The following NBEA variants were observed in gnomAD, a reference collection of about 807,000 sequenced individuals.
The protein encoded by NBEA is neurobeachin.
Under a neutral mutation model 343.4 loss-of-function variants are expected in NBEA, and 44 were observed. The ratio of observed to expected loss-of-function variants is 0.13; its 90% CI spans 0.10 to 0.16. The LOEUF is 0.16. Ranked by LOEUF, NBEA falls within the 10% of genes least tolerant of loss-of-function variation. NBEA has a pLI of 1.00. For missense variants in NBEA, 2,555 were observed against 3,631.3 expected (o/e 0.70, Z 7.62); for synonymous variants, 1,175 against 1,238.7 (o/e 0.95, Z 1.08).
intron 10 of NBEA, among the ~76,000 whole-genome samples, chr13:35,088,689 TGGTACC>T (rs1009082627): frequency 9.2e-5 from 14 of 152,062 alleles, no homozygotes; most frequent in African/African-American, 3.4e-4. Flanking sequence ...CAAAACAGCA[TGGTACC>T]GGTACCAAAA....
At chr13:35,305,935 A>C (rs2036864568) in intron 35 of NBEA, among the ~76,000 whole-genome samples, 1 of 152,156 alleles carries the variant, frequency 6.6e-6, no homozygotes, top group Non-Finnish European at 1.5e-5. Context: ...TGAGTATTCT[A>C]TTCTTCATAA....
intron 47 of NBEA, among the ~76,000 whole-genome samples, chr13:35,603,425 T>C (rs2082144749): frequency 6.6e-6 from 1 of 152,210 alleles, no homozygotes; most frequent in African/African-American, 2.4e-5. Flanking sequence ...ACATCCTATG[T>C]TTCTTGCGCC....
At position 35,437,944 on chromosome 13, in the gene NBEA, G is replaced by A. The variant is rs576974490; in HGVS notation, c.6304+5551G>A. Among the ~76,000 whole-genome samples the A allele has an allele frequency of 1.0e-3, 158 of 152,210 alleles. 1 individual carries two copies. The highest frequency in any genetic ancestry group is 1.9e-3 in the Non-Finnish European group (132 of 67,990). On this transcript the variant is annotated intron_variant, in intron 39 of 58. Transcript: ENST00000379939. ...CAAAATCTTAAGTTTGATTGTCTTT[G>A]TTGACTGTCAATTATTATTTAGGCC...
chr13:35,265,217 G>A (rs2033571563), intron 34 of NBEA, among the ~76,000 whole-genome samples: 1 of 151,740 alleles, frequency 6.6e-6, no homozygotes, highest in African/African-American at 2.4e-5. Context: ...AAACATAGAT[G>A]AAAGAAATGG....
intron 40 of NBEA, among the ~76,000 whole-genome samples, chr13:35,469,037 T>TG (rs1465066951): frequency 7.4e-6 from 1 of 135,622 alleles, no homozygotes; most frequent in African/African-American, 2.8e-5. Flanking sequence ...GGGCAGAAGT[T>TG]GCAGTGAGCC....
intron 35 of NBEA, among the ~76,000 whole-genome samples, chr13:35,308,478 ATATATATGTG>A (rs1177011460): frequency 4.7e-5 from 6 of 127,910 alleles, no homozygotes; most frequent in African/African-American, 1.9e-4. Context: ...ATATATGTAT[ATATATATGTG>A]TATATATATG....
At chr13:35,470,959 C>A (rs2075616583) in intron 40 of NBEA, among the ~76,000 whole-genome samples, 1 of 152,184 alleles carries the variant, frequency 6.6e-6, no homozygotes, top group Non-Finnish European at 1.5e-5. Flanking sequence ...CTTGTGCAAC[C>A]GAGGTGGACC....
At chr13:35,436,707 CA>C (rs71081254) in intron 39 of NBEA, among the ~76,000 whole-genome samples, 1,881 of 80,386 alleles carry the variant, frequency 0.023, 26 homozygotes, top group African/African-American at 0.051. Flanking sequence ...GACTCCGTCT[CA>C]AAAAAAAAAA....
chr13:35,102,235 A>G (rs1186284943), intron 11 of NBEA, among the ~76,000 whole-genome samples: 1 of 151,770 alleles, frequency 6.6e-6, no homozygotes, highest in African/African-American at 2.4e-5. Context: ...TTGCAGTCTA[A>G]TCTTTGCCAT....
intron 31 of NBEA, among the ~76,000 whole-genome samples, chr13:35,197,527 T>G (rs922363242): frequency 6.6e-6 from 1 of 152,064 alleles, no homozygotes; most frequent in Admixed American, 6.6e-5. Flanking sequence ...CCCTTTTTTT[T>G]TTGTTTTTGA....
intron 41 of NBEA, among the ~76,000 whole-genome samples, chr13:35,528,384 A>G (rs146978099): frequency 7.7e-4 from 117 of 152,342 alleles, no homozygotes; most frequent in Non-Finnish European, 1.5e-3. Flanking sequence ...GAAAATATTG[A>G]TTTTTAATTA....
intron 34 of NBEA, among the ~76,000 whole-genome samples, chr13:35,288,039 T>C (rs114386418): frequency 1.3e-3 from 200 of 152,152 alleles, no homozygotes; most frequent in African/African-American, 4.7e-3. Context: ...GTAAACTCCT[T>C]AGTACTAACA....
At chr13:35,389,313 T>A (rs1402819817) in intron 38 of NBEA, among the ~76,000 whole-genome samples, 3 of 152,134 alleles carry the variant, frequency 2.0e-5, no homozygotes, top group East Asian at 3.9e-4. Flanking sequence ...AAAATAATAC[T>A]TCCTTAAACC....
At chr13:35,267,282 A>T (rs1449228512) in intron 34 of NBEA, among the ~76,000 whole-genome samples, 1 of 151,960 alleles carries the variant, frequency 6.6e-6, no homozygotes, top group Non-Finnish European at 1.5e-5. Context: ...TACCACAAAA[A>T]TAACTGTGCG....
chr13:35,055,990 A>G lies in NBEA; in HGVS notation c.973-20A>G. On this transcript the variant is annotated intron_variant, in intron 6 of 58. Coordinates refer to ENST00000379939, the MANE Select transcript of NBEA (RefSeq NM_001385012.1). ...ACAACCAAACATTACATATTGATAT[A>G]TTTAATTTTTTTATTTAAGTGGTAC... 1 of 1,558,200 alleles carries G rather than the reference A, an allele frequency of 6.4e-7. No homozygotes were observed.
At chr13:35,412,665 A>ATATCATAGT (rs1342401896) in intron 38 of NBEA, among the ~76,000 whole-genome samples, 1 of 152,132 alleles carries the variant, frequency 6.6e-6, no homozygotes, top group Non-Finnish European at 1.5e-5. Context: ...TACTCTATGT[A>ATATCATAGT]TATCATAGTT....
In NBEA at chr13:35,204,798, A is replaced by G. The variant is rs373342388; in HGVS notation, c.5367-3902A>G. On this transcript the variant is annotated intron_variant, in intron 31 of 58. Transcript: ENST00000379939. ...ATTAAAAACTATATGTTCACTCTAA[A>G]AAAATGTTTTTACCACCAAAATTTG... 4.5e-4 allele frequency among the ~76,000 whole-genome samples: 69 copies of G among 152,246 alleles called. 1 individual carries two copies. In the South Asian group the frequency reaches 0.014, roughly 31 times the overall value.
At chr13:35,546,912 G>T (rs1166934701) in intron 41 of NBEA, among the ~76,000 whole-genome samples, 1 of 152,078 alleles carries the variant, frequency 6.6e-6, no homozygotes, top group East Asian at 1.9e-4. Context: ...TAAAGAAATT[G>T]TAGGATCATC....
intron 28 of NBEA, among the ~76,000 whole-genome samples, chr13:35,178,107 A>G (rs1324187471): frequency 1.3e-5 from 2 of 151,764 alleles, no homozygotes; most frequent in African/African-American, 4.8e-5. Flanking sequence ...AGATTAACAC[A>G]GGAGTGAGAG....
Sources: allele counts gnomAD v4.1 joint callset (sites outside exome capture counted in the v4.1 genomes callset), GRCh38; gene constraint gnomAD v4.1.1; transcripts MANE v1.5; gene names NCBI Gene and HGNC (gene_info 2026-07-23, HGNC 2026-07-21).